The following TOP3B variants were observed in gnomAD, a reference collection of about 807,000 sequenced individuals.
TOP3B encodes the protein DNA topoisomerase III beta.
In TOP3B, 45 loss-of-function variants were observed where a neutral mutation model predicts 93.9. The observed-to-expected ratio is 0.48, with a 90% CI of 0.38 to 0.61. The LOEUF is 0.61. Ranked by LOEUF, TOP3B falls within the 20% of genes least tolerant of loss-of-function variation. The pLI, the probability that TOP3B is intolerant of heterozygous loss-of-function variation, is 0.00. For missense variants in TOP3B, 750 were observed against 1,156.1 expected, an observed-to-expected ratio of 0.65 and a Z score of 5.09; for synonymous variants, 357 against 472.6, an observed-to-expected ratio of 0.76 and a Z score of 3.17.
intron 1 of TOP3B, among the ~76,000 whole-genome samples, chr22:21,980,158 A>G (rs767628481): frequency 2.0e-5 from 3 of 152,148 alleles, no homozygotes; most frequent in Non-Finnish European, 4.4e-5. Context: ...TGAAGAGGCG[A>G]TATGTCTGGA....
chr22:21,958,652 G>C lies in TOP3B; in HGVS notation c.1947C>G (p.Thr649=). The C allele has an allele frequency of 6.2e-7, 1 of 1,613,092 alleles. No individual in the cohort carries two copies. The highest frequency in any genetic ancestry group is 8.5e-7 in the Non-Finnish European group (1 of 1,179,514). The change falls in exon 17 of 18, where the codon ACC becomes ACG. Residue 649 remains threonine (T), a synonymous_variant. Coordinates refer to ENST00000357179, the MANE Select transcript of TOP3B (RefSeq NM_001282112.2). ...TGGTGCCGTTCTGGGGGAGCGTGTA[G>C]GTCTCATCGCAGTGGGAGCAGTGCA... ...SRLHCSHCDE[T]YTLPQNGTIK...
intron 2 of TOP3B, chr22:21,974,851 T>C: frequency 6.0e-6 from 1 of 167,718 alleles, no homozygotes; most frequent in Non-Finnish European, 1.3e-5. Flanking sequence ...ACTCCAGATC[T>C]ACTCTCGGTT....
At chr22:21,972,576 C>A in intron 4 of TOP3B, 36 bp downstream of exon 4, 1 of 1,487,466 alleles carries the variant, frequency 6.7e-7, no homozygotes, top group Admixed American at 1.9e-5. Flanking sequence ...GGGTGGGGAG[C>A]CCCGGTGTGC....
In TOP3B at chr22:21,970,580, T is replaced by A; in HGVS notation, c.385-174A>T. 3.0e-6 allele frequency: 2 copies of A among 656,642 alleles called. No individual in the cohort carries two copies. Among genetic ancestry groups the A allele is most frequent in the South Asian group, 3.8e-5 (2 of 52,762 alleles). The allele number at this position is 656,642 out of a possible 1,614,324, so 40.7% of individuals were successfully genotyped here. ...CCTGCACCTGCCAGACCCTCCTCTATCCCCCTGCCTTTCCAGAAGCCCTGA... is the reference window on the plus strand; with the variant it reads ...CCTGCACCTGCCAGACCCTCCTCTAACCCCCTGCCTTTCCAGAAGCCCTGA... On this transcript the variant is annotated intron_variant, in intron 5 of 17. Transcript: ENST00000357179. This position sits in a 1 kb window ranked among gnomAD's most constrained non-coding sequence, Gnocchi z 4.4.
chr22:21,963,801 C>T lies in TOP3B; in HGVS notation c.1204+122G>A, dbSNP rs2071295642. On this transcript the variant is annotated intron_variant, in intron 11 of 17. Coordinates refer to ENST00000357179, the MANE Select transcript of TOP3B (RefSeq NM_001282112.2). This position sits in a 1 kb window ranked among gnomAD's most constrained non-coding sequence, Gnocchi z 4.8. ...CATCTTCCAGGTGGCCCCCCATCCC[C>T]ACAGCCAGGGCAGGCAGAGGCTGAA... 9 of 1,024,132 alleles carry T rather than the reference C, an allele frequency of 8.8e-6. No homozygotes were observed. The highest frequency in any genetic ancestry group is 1.3e-5 in the Non-Finnish European group (9 of 692,734). 63.4% of individuals were successfully genotyped at this position (1,024,132 alleles called of 1,614,324 possible). A position where few individuals can be genotyped will look rare whatever the true frequency, so the allele number is the denominator to read the frequency against.
chr22:21,959,464 C>T, intron 15 of TOP3B, 123 bp downstream of exon 15: 1 of 1,512,148 alleles, frequency 6.6e-7, no homozygotes, highest in Non-Finnish European at 8.8e-7. Context: ...CTGACCTGGC[C>T]TACGGAGGCC....
chr22:21,974,658 C>T (rs1179900875), intron 2 of TOP3B, 170 bp from the exon 3 acceptor site: 13 of 680,210 alleles, frequency 1.9e-5, no homozygotes, highest in Admixed American at 3.1e-5. Flanking sequence ...AGAGGTGGGA[C>T]GGCGCTCAGG....
chr22:21,965,872 C>CA (rs1431945990), intron 8 of TOP3B: 1 of 155,176 alleles, frequency 6.4e-6, no homozygotes, highest in African/African-American at 2.4e-5. Flanking sequence ...TCAAAACAAA[C>CA]AAACAAACAA....
In TOP3B at chr22:21,962,786, C is replaced by T. The variant is rs557851011; in HGVS notation, c.1312G>A (p.Glu438Lys). 8 of 1,614,008 alleles carry T rather than the reference C, an allele frequency of 5.0e-6. No individual in the cohort carries two copies. The highest frequency in any genetic ancestry group is 3.3e-5 in the Admixed American group (2 of 60,008). Residue 438 changes from glutamate (E) to lysine (K), a missense_variant, in exon 12 of 18, where the codon GAG (glutamate) becomes AAG (lysine). By Grantham distance (56) the Glu-to-Lys change is moderately conservative. Transcript: ENST00000357179. ...QSTISFRIGPELFTCSGKTVL... is the reference protein window; with the variant it reads ...QSTISFRIGPKLFTCSGKTVL... ...GTCTTCCCGGAGCAGGTGAAGAGCTCGGGCCCAATTCTGAAGGAGATGGTG... is the reference window on the plus strand; with the variant it reads ...GTCTTCCCGGAGCAGGTGAAGAGCTTGGGCCCAATTCTGAAGGAGATGGTG...
intron 3 of TOP3B, chr22:21,972,982 C>T (rs907922655): frequency 2.8e-5 from 13 of 466,838 alleles, no homozygotes; most frequent in African/African-American, 1.2e-4. Flanking sequence ...AGCAAGCTCT[C>T]GGGGGGCTGC....
chr22:21,967,864 TG>T, intron 7 of TOP3B, 148 bp from the exon 8 acceptor site: 1 of 625,024 alleles, frequency 1.6e-6, no homozygotes, highest in South Asian at 1.9e-5. Flanking sequence ...CCTGTTCAGG[TG>T]GGCAGATACG....
chr22:21,975,902 A>G, intron 1 of TOP3B, 95 bp from the exon 2 acceptor site: 1 of 832,566 alleles, frequency 1.2e-6, no homozygotes, highest in Non-Finnish European at 1.6e-6. Flanking sequence ...AAACAAGACC[A>G]ACCTGAGGCA....
At chr22:21,958,023 A>G (rs2070997681) in intron 17 of TOP3B, 1 of 1,322,778 alleles carries the variant, frequency 7.6e-7, no homozygotes, top group Non-Finnish European at 9.9e-7. Flanking sequence ...CTTTCTGCAG[A>G]GCACACGGTG....
At chr22:21,959,991 A>C in intron 14 of TOP3B, 1 of 621,610 alleles carries the variant, frequency 1.6e-6, no homozygotes, top group Non-Finnish European at 2.8e-6. Flanking sequence ...CACATCACAC[A>C]TGAGCTCCAG....
At chr22:21,968,471 G>A in intron 7 of TOP3B, 148 bp downstream of exon 7, 4 of 962,544 alleles carry the variant, frequency 4.2e-6, no homozygotes, top group Non-Finnish European at 6.1e-6. Flanking sequence ...GGGTCCCTCA[G>A]CCCTAGGCAC....
At position 21,962,904 on chromosome 22, in the gene TOP3B, C is replaced by T. The variant is rs766725028; in HGVS notation, c.1205-11G>A. ...GCCACGCGTCACCCCCTGCAACAGG[C>T]CAGGGCTAGTCAGTTGGGAGCCAGC... On this transcript the variant is annotated splice_polypyrimidine_tract_variant and intron_variant, in intron 11 of 17. Transcript: ENST00000357179. 1 of 1,610,258 alleles carries T rather than the reference C, an allele frequency of 6.2e-7. No homozygotes were observed. The highest frequency in any genetic ancestry group is 1.1e-5 in the South Asian group (1 of 91,022).
At position 21,970,628 on chromosome 22, in the gene TOP3B, A is replaced by G; in HGVS notation, c.385-222T>C. 1 of 573,368 alleles carries G rather than the reference A, an allele frequency of 1.7e-6. No individual in the cohort carries two copies. Among genetic ancestry groups the G allele is most frequent in the Non-Finnish European group, 3.1e-6 (1 of 320,700 alleles). The allele number at this position is 573,368 out of a possible 1,614,324, so 35.5% of individuals were successfully genotyped here. ...TGAGCACTCCACAACACCCCACCAC[A>G]TGGCTTCCTTTACTCCCATCTAGAA... On this transcript the variant is annotated intron_variant, in intron 5 of 17. Transcript: ENST00000357179. The surrounding 1 kb of genome is among the most constrained non-coding windows in gnomAD (Gnocchi z 4.4).
chr22:21,980,299 T>A (rs1343214164), intron 1 of TOP3B, among the ~76,000 whole-genome samples: 23 of 152,164 alleles, frequency 1.5e-4, no homozygotes, highest in Admixed American at 1.5e-3. Context: ...CACAGGTGAC[T>A]GAGGGACAAG....
chr22:21,960,843 C>T (rs1351724286), intron 13 of TOP3B: 3 of 241,714 alleles, frequency 1.2e-5, no homozygotes, highest in Non-Finnish European at 1.7e-5. Flanking sequence ...CACCAGAACA[C>T]GGAGGTGCTT....
Sources: gnomAD v4.1 joint callset for allele counts (sites outside exome capture counted in the v4.1 genomes callset) on GRCh38, gnomAD v4.1.1 for gene constraint, Gnocchi (gnomAD v3.1) non-coding constraint, MANE v1.5 for transcripts, NCBI Gene and HGNC (gene_info 2026-07-23, HGNC 2026-07-21) for gene names.